The following CAST variants were observed in gnomAD, a reference collection of about 807,000 sequenced individuals.
CAST encodes MIR583 host.
Under a neutral mutation model 119.6 loss-of-function variants are expected in CAST, and 76 were observed. The ratio of observed to expected loss-of-function variants is 0.64; its 90% CI spans 0.53 to 0.77. CAST has a LOEUF of 0.77. Among genes scored for constraint, CAST ranks in the 30% least tolerant of loss-of-function variants. CAST has a pLI of 0.00. For missense variants in CAST, 953 were observed against 946.5 expected (o/e 1.01, Z -0.09); for synonymous variants, 319 against 331.6 (o/e 0.96, Z 0.41).
intron 19 of CAST, 123 bp downstream of exon 19, chr5:96,748,736 A>G (rs192231725): frequency 2.4e-5 from 13 of 550,728 alleles, no homozygotes; most frequent in Non-Finnish European, 3.9e-5. Flanking sequence ...CGTTTTTTCC[A>G]TGTCATTTTT....
At chr5:96,115,849 C>T in the CAST span, among the ~76,000 whole-genome samples, 3 of 151,850 alleles carry the variant, frequency 2.0e-5, no homozygotes, top group African/African-American at 7.3e-5. Flanking sequence ...GTGAAGTACC[C>T]AGACTATTTC....
Position 96,767,449 on chromosome 5 carries a change from G to A in CAST, c.2142G>A (p.Val714=), listed in dbSNP as rs985393569. 3 of 1,612,420 alleles carry A rather than the reference G, an allele frequency of 1.9e-6. No individual in the cohort carries two copies. Among genetic ancestry groups the A allele is most frequent in the South Asian group, 2.2e-5 (2 of 91,048 alleles). ...GCCTTCTTTTTAAGGACAAACCAGT[G>A]AAGCCACCTACAAAGAAATCAGAGG... ...LLDDNGQDKP[V]KPPTKKSEDS... The change falls in exon 28 of 32, where the codon GTG becomes GTA. Residue 714 remains valine (V), a synonymous_variant. Coordinates refer to ENST00000675179, the MANE Select transcript of CAST (RefSeq NM_001750.7).
At chr5:96,732,235 G>C (rs918029187) in intron 9 of CAST, among the ~76,000 whole-genome samples, 105 of 140,016 alleles carry the variant, frequency 7.5e-4, no homozygotes, top group African/African-American at 2.7e-3. Flanking sequence ...GTTTTGATTT[G>C]CATTTCTCTG....
chr5:96,425,565 C>A, the CAST span, among the ~76,000 whole-genome samples: 1 of 152,000 alleles, frequency 6.6e-6, no homozygotes, highest in Non-Finnish European at 1.5e-5. Flanking sequence ...TGCATTTATC[C>A]CAAATAAACT....
At chr5:96,261,990 G>A in the CAST span, among the ~76,000 whole-genome samples, 1 of 152,126 alleles carries the variant, frequency 6.6e-6, no homozygotes, top group African/African-American at 2.4e-5. Flanking sequence ...GAAAATAACT[G>A]AAACTCAGAG....
the CAST span, among the ~76,000 whole-genome samples, chr5:96,378,720 A>C: frequency 6.6e-6 from 1 of 152,136 alleles, no homozygotes; most frequent in Non-Finnish European, 1.5e-5. Context: ...TGCCGTAAAG[A>C]AAAAGAATAC....
chr5:96,304,665 T>C, the CAST span, among the ~76,000 whole-genome samples: 5 of 152,248 alleles, frequency 3.3e-5, no homozygotes, highest in Non-Finnish European at 7.3e-5. Context: ...GCTTTCTGCA[T>C]ATGGCTATCC....
At chr5:96,620,289 T>TTTTC (rs1408542204) in intron 1 of CAST, among the ~76,000 whole-genome samples, 1 of 79,824 alleles carries the variant, frequency 1.3e-5, no homozygotes, top group Non-Finnish European at 2.5e-5. Flanking sequence ...GTTCTTTTTC[T>TTTTC]TTTTTTTTTT....
the CAST span, among the ~76,000 whole-genome samples, chr5:96,483,008 C>A: frequency 1.3e-5 from 2 of 152,098 alleles, no homozygotes; most frequent in Admixed American, 1.3e-4. Context: ...AATAGTGTTA[C>A]TTATTTTGTA....
the CAST span, among the ~76,000 whole-genome samples, chr5:96,463,205 C>T: frequency 1.3e-5 from 2 of 152,006 alleles, no homozygotes; most frequent in Admixed American, 1.3e-4. Flanking sequence ...TTGATGGCAG[C>T]TATTTTTCTT....
intron 1 of CAST, among the ~76,000 whole-genome samples, chr5:96,642,251 A>G (rs1747959291): frequency 6.6e-6 from 1 of 152,228 alleles, no homozygotes; most frequent in Admixed American, 6.5e-5. Flanking sequence ...CATGATGAAA[A>G]GGATCATTTC....
chr5:96,306,387 C>CA, the CAST span, among the ~76,000 whole-genome samples: 1 of 151,902 alleles, frequency 6.6e-6, no homozygotes, highest in African/African-American at 2.4e-5. Context: ...TTAATCTTTT[C>CA]AAAAAACCAA....
intron 7 of CAST, 92 bp downstream of exon 7, chr5:96,729,301 A>C: frequency 1.4e-6 from 1 of 733,406 alleles, no homozygotes; most frequent in Non-Finnish European, 2.4e-6. Flanking sequence ...TAATCCCTAC[A>C]ATGGATAGTT....
upstream of CAST, among the ~76,000 whole-genome samples, chr5:96,524,992 T>C (rs1745575915): frequency 6.6e-6 from 1 of 152,196 alleles, no homozygotes; most frequent in Non-Finnish European, 1.5e-5. Flanking sequence ...GAAGAGTGAT[T>C]TGTCTTCACT....
the CAST span, among the ~76,000 whole-genome samples, chr5:96,469,716 TTTC>T: frequency 2.0e-5 from 3 of 151,520 alleles, no homozygotes; most frequent in African/African-American, 7.3e-5. Flanking sequence ...CAAATACTGT[TTTC>T]TAGTTGGATG....
chr5:96,396,561 C>CA, the CAST span, among the ~76,000 whole-genome samples: 3,790 of 122,362 alleles, frequency 0.031, 148 homozygotes, highest in African/African-American at 0.089. Flanking sequence ...GACTCCGTCT[C>CA]AAAAAAAAAA....
the CAST span, among the ~76,000 whole-genome samples, chr5:96,516,799 A>G: frequency 6.6e-6 from 1 of 152,228 alleles, no homozygotes; most frequent in Non-Finnish European, 1.5e-5. Flanking sequence ...TATTTTGGAA[A>G]TATGACACAC....
chr5:95,997,525 T>A, the CAST span, among the ~76,000 whole-genome samples: 4 of 152,118 alleles, frequency 2.6e-5, no homozygotes, highest in Non-Finnish European at 5.9e-5. Context: ...CTAGGTAAGA[T>A]AACAGAGCTA....
the CAST span, among the ~76,000 whole-genome samples, chr5:96,462,780 C>T: frequency 5.9e-5 from 9 of 152,200 alleles, 1 homozygote; most frequent in South Asian, 1.9e-3. Flanking sequence ...GTGATTGGAT[C>T]ATGGGGGCAG....
Sources: gnomAD v4.1 joint callset for allele counts (sites outside exome capture counted in the v4.1 genomes callset) on GRCh38, gnomAD v4.1.1 for gene constraint, MANE v1.5 for transcripts, NCBI Gene and HGNC (gene_info 2026-07-23, HGNC 2026-07-21) for gene names.